THSD7B: variants seen among roughly 807,000 people sequenced by gnomAD.
The protein encoded by THSD7B is thrombospondin type 1 domain containing 7B.
In THSD7B, 138 loss-of-function variants were observed where a neutral mutation model predicts 213.6. The ratio of observed to expected loss-of-function variants is 0.65; its 90% CI spans 0.56 to 0.74. THSD7B has a LOEUF of 0.74. Among genes scored for constraint, THSD7B ranks in the 30% least tolerant of loss-of-function variants. The pLI is 0.00. For synonymous variants in THSD7B, 742 were observed against 687.0 expected (o/e 1.08, Z -1.25); for missense variants, 1,931 against 1,991.5 (o/e 0.97, Z 0.58).
chr2:137,197,315 T>C (rs956029362), intron 7 of THSD7B, among the ~76,000 whole-genome samples: 1 of 152,138 alleles, frequency 6.6e-6, no homozygotes, highest in Non-Finnish European at 1.5e-5. Flanking sequence ...GAGGGAGATG[T>C]GTGAATATTC....
At chr2:137,055,978 C>A (rs1375805248) in intron 2 of THSD7B, among the ~76,000 whole-genome samples, 1 of 152,222 alleles carries the variant, frequency 6.6e-6, no homozygotes, top group East Asian at 1.9e-4. Flanking sequence ...AAAATCCTGG[C>A]TTTAGGGCTT....
chr2:137,153,317 G>A (rs1442905432), intron 5 of THSD7B, among the ~76,000 whole-genome samples: 5 of 151,890 alleles, frequency 3.3e-5, no homozygotes, highest in Admixed American at 2.6e-4. Flanking sequence ...TTTCTAATTG[G>A]CTATATGAAA....
At chr2:137,672,881 C>T (rs1683608706) in intron 27 of THSD7B, among the ~76,000 whole-genome samples, 1 of 152,200 alleles carries the variant, frequency 6.6e-6, no homozygotes, top group Admixed American at 6.5e-5. Flanking sequence ...TGCCCCTTCT[C>T]CTCTGGCAGT....
intron 6 of THSD7B, among the ~76,000 whole-genome samples, chr2:137,165,783 AC>A: frequency 7.1e-6 from 1 of 140,558 alleles, no homozygotes; most frequent in East Asian, 2.1e-4. Flanking sequence ...ACACACACAC[AC>A]GTGCATGCAC....
chr2:137,195,920 G>GA (rs150354968), intron 7 of THSD7B, among the ~76,000 whole-genome samples: 6,500 of 151,974 alleles, frequency 0.043, 200 homozygotes, highest in Non-Finnish European at 0.066. Flanking sequence ...TTTACAGAGG[G>GA]AAAAAAATAG....
intron 12 of THSD7B, among the ~76,000 whole-genome samples, chr2:137,364,575 T>A (rs1175631226): frequency 1.3e-5 from 2 of 152,086 alleles, no homozygotes; most frequent in Admixed American, 1.3e-4. Context: ...TGTGCCAAAA[T>A]CACAAGCATT....
intron 2 of THSD7B, among the ~76,000 whole-genome samples, chr2:137,015,952 T>C (rs893054222): frequency 3.3e-5 from 5 of 152,170 alleles, no homozygotes; most frequent in Admixed American, 6.5e-5. Context: ...ATGGAAATAC[T>C]TGTGCTCTTC....
intron 7 of THSD7B, among the ~76,000 whole-genome samples, chr2:137,217,785 T>C (rs1309553574): frequency 6.6e-6 from 1 of 152,168 alleles, no homozygotes; most frequent in Non-Finnish European, 1.5e-5. Flanking sequence ...AGCCAAGTAC[T>C]GTTCTAAGAA....
intron 2 of THSD7B, among the ~76,000 whole-genome samples, chr2:137,046,384 G>A (rs1330689946): frequency 6.6e-6 from 1 of 152,070 alleles, no homozygotes; most frequent in African/African-American, 2.4e-5. Context: ...GATCTAAAGG[G>A]TGAGTGGGGA....
chr2:137,393,620 T>C (rs1315897779), intron 12 of THSD7B, among the ~76,000 whole-genome samples: 2 of 144,426 alleles, frequency 1.4e-5, no homozygotes, highest in African/African-American at 5.1e-5. Context: ...TCAATAAACA[T>C]ATGTGTGCAT....
At chr2:137,261,811 T>C (rs1046975127) in intron 10 of THSD7B, among the ~76,000 whole-genome samples, 4 of 151,882 alleles carry the variant, frequency 2.6e-5, no homozygotes, top group African/African-American at 9.7e-5. Flanking sequence ...AATTTTAATA[T>C]GACAACTGAT....
chr2:137,228,153 T>TC (rs1224008594), intron 7 of THSD7B, among the ~76,000 whole-genome samples: 26 of 130,670 alleles, frequency 2.0e-4, no homozygotes, highest in Non-Finnish European at 4.3e-4. Context: ...GCTGTTTTTT[T>TC]TTTTTTCAAG....
intron 3 of THSD7B, among the ~76,000 whole-genome samples, chr2:137,088,841 A>T (rs1455900956): frequency 2.0e-5 from 3 of 152,236 alleles, no homozygotes; most frequent in Non-Finnish European, 2.9e-5. Context: ...AAAAGAAGAT[A>T]TACAAATGGC....
At chr2:137,437,332 A>G (rs1687316083) in intron 14 of THSD7B, among the ~76,000 whole-genome samples, 1 of 152,170 alleles carries the variant, frequency 6.6e-6, no homozygotes, top group Non-Finnish European at 1.5e-5. Context: ...ATTATTGTCT[A>G]AACAGTCAGT....
intron 12 of THSD7B, among the ~76,000 whole-genome samples, chr2:137,316,366 T>G (rs1014676989): frequency 1.3e-5 from 2 of 152,264 alleles, no homozygotes; most frequent in African/African-American, 4.8e-5. Context: ...AAGAATTTAC[T>G]CCAGGTTTCC....
chr2:137,296,789 G>C (rs962329005), intron 12 of THSD7B, among the ~76,000 whole-genome samples: 9 of 151,926 alleles, frequency 5.9e-5, no homozygotes, highest in African/African-American at 2.2e-4. Context: ...TCTCACCTGG[G>C]CTCTGTCTGG....
At chr2:137,441,207 A>G (rs1427049285) in intron 14 of THSD7B, among the ~76,000 whole-genome samples, 1 of 152,026 alleles carries the variant, frequency 6.6e-6, no homozygotes, top group East Asian at 1.9e-4. Flanking sequence ...AGAATTTTCA[A>G]ATTGTCTCTT....
At chr2:137,032,333 A>T (rs1312936098) in intron 2 of THSD7B, among the ~76,000 whole-genome samples, 1 of 152,096 alleles carries the variant, frequency 6.6e-6, no homozygotes, top group African/African-American at 2.4e-5. Flanking sequence ...CTTAAATGGC[A>T]TTTCCTCAAA....
At chr2:136,862,096 T>C (rs1683265442) in intron 1 of THSD7B, among the ~76,000 whole-genome samples, 1 of 152,208 alleles carries the variant, frequency 6.6e-6, no homozygotes, top group Non-Finnish European at 1.5e-5. Flanking sequence ...GAAGCTGCAA[T>C]ATATTTTATG....
Sources: gnomAD v4.1 joint callset for allele counts (sites outside exome capture counted in the v4.1 genomes callset) on GRCh38, gnomAD v4.1.1 for gene constraint, MANE v1.5 for transcripts, NCBI Gene and HGNC (gene_info 2026-07-23, HGNC 2026-07-21) for gene names.